The following HS3ST4 variants were observed in gnomAD, a reference collection of about 807,000 sequenced individuals.
The protein encoded by HS3ST4 is heparan sulfate glucosamine 3-O-sulfotransferase 4.
A neutral mutation model predicts 29.2 loss-of-function variants in HS3ST4; 17 were observed. The ratio of observed to expected loss-of-function variants is 0.58; its 90% CI spans 0.40 to 0.87. The LOEUF (loss-of-function observed/expected upper bound fraction) is 0.87, where lower values mean the gene tolerates loss of function less well. HS3ST4 is among the 40% of genes least tolerant of loss of function. The pLI, the probability that HS3ST4 is intolerant of heterozygous loss-of-function variation, is 0.00. For missense variants in HS3ST4, 627 were observed against 634.5 expected, an observed-to-expected ratio of 0.99 and a Z score of 0.13; for synonymous variants, 314 against 285.7, an observed-to-expected ratio of 1.10 and a Z score of -1.00.
chr16:25,903,329 G>A (rs12923662), intron 1 of HS3ST4, among the ~76,000 whole-genome samples: 35 of 132,350 alleles, frequency 2.6e-4, no homozygotes, highest in African/African-American at 9.4e-4. Flanking sequence ...TTATATATAT[G>A]TATATGTATA....
intron 1 of HS3ST4, among the ~76,000 whole-genome samples, chr16:25,962,138 A>G (rs145033679): frequency 6.6e-6 from 1 of 152,304 alleles, no homozygotes; most frequent in African/African-American, 2.4e-5. Flanking sequence ...AACTTTTGGT[A>G]TGGGCAGCTC....
At chr16:26,087,814 T>G (rs74013253) in intron 1 of HS3ST4, among the ~76,000 whole-genome samples, 5,154 of 152,282 alleles carry the variant, frequency 0.034, 272 homozygotes, top group African/African-American at 0.11. Context: ...TTTTGGATTT[T>G]GGAGCATTTT....
chr16:25,893,896 CCTTTCT>C (rs1968034766), intron 1 of HS3ST4, among the ~76,000 whole-genome samples: 1 of 152,194 alleles, frequency 6.6e-6, no homozygotes, highest in Admixed American at 6.5e-5. Context: ...CCAGGGAAGT[CCTTTCT>C]CTACCTTGCC....
chr16:26,003,694 G>A (rs1222117388), intron 1 of HS3ST4, among the ~76,000 whole-genome samples: 1 of 152,180 alleles, frequency 6.6e-6, no homozygotes, highest in Non-Finnish European at 1.5e-5. Context: ...GGATAAACTG[G>A]AGTGATCATT....
chr16:26,094,653 CA>C (rs1898901257), intron 1 of HS3ST4, among the ~76,000 whole-genome samples: 2 of 152,172 alleles, frequency 1.3e-5, no homozygotes, highest in South Asian at 4.1e-4. Flanking sequence ...CCAGCCACTG[CA>C]AAAACATGCT....
chr16:26,028,601 G>A (rs866743404), intron 1 of HS3ST4, among the ~76,000 whole-genome samples: 23 of 152,300 alleles, frequency 1.5e-4, no homozygotes, highest in Admixed American at 1.1e-3. Flanking sequence ...AGCTTGCTGA[G>A]TGCAATGTGA....
intron 1 of HS3ST4, among the ~76,000 whole-genome samples, chr16:25,781,714 A>C (rs532747511): frequency 4.6e-5 from 7 of 152,206 alleles, no homozygotes; most frequent in African/African-American, 1.7e-4. Context: ...CCAGAGCCCA[A>C]GGTTTGGACC....
chr16:25,824,147 C>A (rs537913789), intron 1 of HS3ST4, among the ~76,000 whole-genome samples: 4 of 152,244 alleles, frequency 2.6e-5, no homozygotes, highest in Non-Finnish European at 5.9e-5. Context: ...TCAGGTGCCC[C>A]TGAAGGGAAG....
chr16:25,931,591 A>G (rs866035679), intron 1 of HS3ST4, among the ~76,000 whole-genome samples: 1 of 152,248 alleles, frequency 6.6e-6, no homozygotes, highest in Admixed American at 6.5e-5. Flanking sequence ...CCATTTGGCA[A>G]TAAAATGTGA....
At chr16:26,099,253 C>G (rs113447724) in intron 1 of HS3ST4, among the ~76,000 whole-genome samples, 1 of 152,162 alleles carries the variant, frequency 6.6e-6, no homozygotes, top group African/African-American at 2.4e-5. Context: ...GTCCTGGGCT[C>G]AAGTGATCCT....
intron 1 of HS3ST4, among the ~76,000 whole-genome samples, chr16:26,005,081 G>A (rs536228633): frequency 6.6e-6 from 1 of 152,026 alleles, no homozygotes; most frequent in Non-Finnish European, 1.5e-5. Flanking sequence ...AAAGAAAAAG[G>A]ATTCTCATAT....
chr16:25,830,350 T>TA (rs1967281666), intron 1 of HS3ST4, among the ~76,000 whole-genome samples: 1 of 152,226 alleles, frequency 6.6e-6, no homozygotes, highest in Admixed American at 6.5e-5. Flanking sequence ...TTGTAAATTT[T>TA]ATCACCCCAA....
chr16:25,956,871 G>A (rs191078955), intron 1 of HS3ST4, among the ~76,000 whole-genome samples: 24 of 151,982 alleles, frequency 1.6e-4, no homozygotes, highest in Admixed American at 9.2e-4. Context: ...GGTGGTGGGC[G>A]CATGTAATCT....
chr16:25,743,638 T>C (rs1966668511), intron 1 of HS3ST4, among the ~76,000 whole-genome samples: 1 of 152,178 alleles, frequency 6.6e-6, no homozygotes, highest in South Asian at 2.1e-4. Context: ...CCTGAGTAGC[T>C]GGGATTACAG....
chr16:25,765,693 C>G (rs1172380781), intron 1 of HS3ST4, among the ~76,000 whole-genome samples: 1 of 152,190 alleles, frequency 6.6e-6, no homozygotes. Flanking sequence ...GCACCCTCAT[C>G]TGCTTAACTT....
chr16:26,046,410 C>G (rs1377606390), intron 1 of HS3ST4, among the ~76,000 whole-genome samples: 1 of 152,130 alleles, frequency 6.6e-6, no homozygotes, highest in Non-Finnish European at 1.5e-5. Flanking sequence ...CTCGGCTTCC[C>G]AAAGTGCTGG....
chr16:26,114,942 T>C (rs545085539), intron 1 of HS3ST4, among the ~76,000 whole-genome samples: 1 of 152,304 alleles, frequency 6.6e-6, no homozygotes, highest in East Asian at 1.9e-4. Flanking sequence ...ACTTTGGTCT[T>C]ATTTGTCATA....
chr16:26,000,813 G>T (rs1191253666), intron 1 of HS3ST4, among the ~76,000 whole-genome samples: 2 of 152,184 alleles, frequency 1.3e-5, no homozygotes, highest in African/African-American at 4.8e-5. Context: ...GAGAAGGACA[G>T]GGTATTGCTT....
At position 25,841,849 on chromosome 16, in the gene HS3ST4, C is replaced by T. The variant is rs575240603; in HGVS notation, c.734+148698C>T. ...TGTAACTGTCATTATGGTCTTAAAC[C>T]CAGAGCTGTAATGAACAGTATGGGA... On this transcript the variant is annotated intron_variant, in intron 1 of 1. Coordinates refer to ENST00000331351, the MANE Select transcript of HS3ST4 (RefSeq NM_006040.3). 2.6e-5 allele frequency among the ~76,000 whole-genome samples: 4 copies of T among 152,206 alleles called. No individual in the cohort carries two copies. The East Asian group carries it at 7.7e-4, about 29-fold the overall frequency.
Sources: allele counts gnomAD v4.1 joint callset (sites outside exome capture counted in the v4.1 genomes callset), GRCh38; gene constraint gnomAD v4.1.1; transcripts MANE v1.5; gene names NCBI Gene and HGNC (gene_info 2026-07-23, HGNC 2026-07-21).